The following KCNIP4 variants were observed in gnomAD, a reference collection of about 807,000 sequenced individuals.
KCNIP4 encodes Kv channel-interacting protein 4.
KCNIP4 carries 12 observed loss-of-function variants against 34.0 expected under a neutral mutation model. The ratio of observed to expected loss-of-function variants is 0.35; its 90% CI spans 0.23 to 0.57. The LOEUF (loss-of-function observed/expected upper bound fraction) is 0.57, where lower values mean the gene tolerates loss of function less well. Ranked by LOEUF, KCNIP4 falls within the 20% of genes least tolerant of loss-of-function variation. The probability of loss-of-function intolerance (pLI) is 0.83; values close to 1 mark genes in which losing one functional copy is unlikely to be tolerated. For synonymous variants in KCNIP4, 124 were observed against 102.2 expected (o/e 1.21, Z -1.29); for missense variants, 238 against 311.7 (o/e 0.76, Z 1.78).
intron 1 of KCNIP4, among the ~76,000 whole-genome samples, chr4:21,282,459 A>AGAGT (rs1413842098): frequency 1.4e-5 from 2 of 146,738 alleles, no homozygotes; most frequent in Non-Finnish European, 3.0e-5. Flanking sequence ...AAGATGTGTG[A>AGAGT]GTGTGTGTGT....
chr4:21,820,801 G>A (rs1722312013), intron 1 of KCNIP4, among the ~76,000 whole-genome samples: 1 of 152,092 alleles, frequency 6.6e-6, no homozygotes, highest in African/African-American at 2.4e-5. Context: ...TTTGGGTCAT[G>A]CTCATAGGGC....
intron 1 of KCNIP4, among the ~76,000 whole-genome samples, chr4:21,658,211 T>A (rs746153691): frequency 6.6e-6 from 1 of 152,168 alleles, no homozygotes; most frequent in Admixed American, 6.5e-5. Flanking sequence ...CAACACCAGA[T>A]AAACTTTCTA....
intron 1 of KCNIP4, among the ~76,000 whole-genome samples, chr4:21,256,614 A>G (rs1188197740): frequency 6.6e-6 from 1 of 151,988 alleles, no homozygotes; most frequent in African/African-American, 2.4e-5. Flanking sequence ...GAAAAAAAAG[A>G]GAGATAAGTA....
chr4:21,768,728 A>G (rs1347182689), intron 1 of KCNIP4, among the ~76,000 whole-genome samples: 1 of 152,086 alleles, frequency 6.6e-6, no homozygotes, highest in African/African-American at 2.4e-5. Flanking sequence ...ATTTTATATA[A>G]CCATTAAAAT....
chr4:21,497,118 C>G (rs1304444566), intron 1 of KCNIP4, among the ~76,000 whole-genome samples: 1 of 152,080 alleles, frequency 6.6e-6, no homozygotes, highest in Non-Finnish European at 1.5e-5. Flanking sequence ...CTGAAGTTTT[C>G]TCATCTGTAA....
At chr4:21,785,160 G>T (rs573149170) in intron 1 of KCNIP4, among the ~76,000 whole-genome samples, 1 of 152,056 alleles carries the variant, frequency 6.6e-6, no homozygotes, top group African/African-American at 2.4e-5. Flanking sequence ...AATTATTTTT[G>T]TAGTAGCTTT....
intron 1 of KCNIP4, among the ~76,000 whole-genome samples, chr4:21,211,596 G>A (rs187279131): frequency 1.1e-4 from 16 of 152,152 alleles, no homozygotes; most frequent in Admixed American, 4.6e-4. Context: ...CCAGGAAACC[G>A]ATTGGTCCCT....
intron 1 of KCNIP4, among the ~76,000 whole-genome samples, chr4:21,510,845 C>T (rs911831843): frequency 1.3e-5 from 2 of 150,650 alleles, no homozygotes; most frequent in East Asian, 3.9e-4. Context: ...GATGAAACCC[C>T]ATCTCTGCTA....
At chr4:20,892,326 T>C (rs1577325007) in intron 1 of KCNIP4, among the ~76,000 whole-genome samples, 2 of 152,188 alleles carry the variant, frequency 1.3e-5, no homozygotes, top group African/African-American at 2.4e-5. Flanking sequence ...GCTACCTAAA[T>C]ACACCTGTTT....
At chr4:20,846,464 A>C (rs1016948169) in intron 3 of KCNIP4, among the ~76,000 whole-genome samples, 1 of 152,202 alleles carries the variant, frequency 6.6e-6, no homozygotes, top group African/African-American at 2.4e-5. Flanking sequence ...AAACATATAT[A>C]TTGATATTTG....
chr4:21,598,908 G>A (rs148645124), intron 1 of KCNIP4, among the ~76,000 whole-genome samples: 6 of 152,136 alleles, frequency 3.9e-5, no homozygotes, highest in African/African-American at 1.2e-4. Flanking sequence ...GCCACATTAT[G>A]ACTCCTGGAA....
At chr4:21,104,853 T>G (rs1422805246) in intron 1 of KCNIP4, among the ~76,000 whole-genome samples, 1 of 151,726 alleles carries the variant, frequency 6.6e-6, no homozygotes, top group Non-Finnish European at 1.5e-5. Context: ...AAATAGGGAA[T>G]CCTTTCCCCA....
rs143598391 is a variant in KCNIP4, at chr4:21,784,618, G to C, written c.61+163953C>G. ...TTATCTGAAAAAATAAATATAAGTC[G>C]ATGTCAAAAACCCCAAAGGTGTTAT... On this transcript the variant is annotated intron_variant, in intron 1 of 8. Transcript: ENST00000382152. 4.0e-5 allele frequency among the ~76,000 whole-genome samples: 6 copies of C among 151,882 alleles called. 1 individual carries two copies. Among genetic ancestry groups the C allele is most frequent in the Admixed American group, 3.9e-4 (6 of 15,238 alleles).
intron 1 of KCNIP4, among the ~76,000 whole-genome samples, chr4:21,873,970 C>G (rs936049446): frequency 3.9e-5 from 6 of 152,212 alleles, no homozygotes; most frequent in Admixed American, 1.3e-4. Context: ...TCACTCTGCT[C>G]ACACAAGATA....
chr4:21,464,859 T>A (rs1310701527), intron 1 of KCNIP4: 1 of 152,064 alleles, frequency 6.6e-6, no homozygotes, highest in African/African-American at 2.4e-5. Flanking sequence ...TATATTTCAA[T>A]GCATCCATCT....
At chr4:21,557,186 C>T (rs1739134353) in intron 1 of KCNIP4, among the ~76,000 whole-genome samples, 1 of 152,016 alleles carries the variant, frequency 6.6e-6, no homozygotes, top group Non-Finnish European at 1.5e-5. Context: ...TGCTTTGCAA[C>T]ACAAAGTTTA....
At chr4:21,785,895 A>G (rs1719877095) in intron 1 of KCNIP4, among the ~76,000 whole-genome samples, 1 of 152,202 alleles carries the variant, frequency 6.6e-6, no homozygotes, top group Non-Finnish European at 1.5e-5. Flanking sequence ...ACTATTACAA[A>G]TAATGCCACC....
At chr4:21,744,636 T>C (rs1227998966) in intron 1 of KCNIP4, among the ~76,000 whole-genome samples, 1 of 152,164 alleles carries the variant, frequency 6.6e-6, no homozygotes, top group East Asian at 1.9e-4. Flanking sequence ...CAGGAGCCTC[T>C]GGGACCCTGC....
chr4:21,226,196 G>A (rs1758368295), intron 1 of KCNIP4, among the ~76,000 whole-genome samples: 1 of 140,550 alleles, frequency 7.1e-6, no homozygotes, highest in Non-Finnish European at 1.5e-5. Context: ...GGGATTGTTT[G>A]AGGGCAGGAA....
Sources: allele counts gnomAD v4.1 joint callset (sites outside exome capture counted in the v4.1 genomes callset), GRCh38; gene constraint gnomAD v4.1.1; transcripts MANE v1.5; gene names NCBI Gene and HGNC (gene_info 2026-07-23, HGNC 2026-07-21).